Variants in PLCH1 observed in about 807,000 individuals in gnomAD.
The protein encoded by PLCH1 is phospholipase C eta 1.
In PLCH1, 60 loss-of-function variants were observed where a neutral mutation model predicts 126.7. That is an observed-to-expected ratio of 0.47 (90% CI 0.38 to 0.59). The LOEUF (loss-of-function observed/expected upper bound fraction) is 0.59. PLCH1 is among the 20% of genes least tolerant of loss of function. The pLI is 0.00. For synonymous variants in PLCH1, 719 were observed against 734.9 expected, an observed-to-expected ratio of 0.98 and a Z score of 0.35; for missense variants, 1,723 against 2,040.0, an observed-to-expected ratio of 0.84 and a Z score of 2.99.
At chr3:155,596,207 C>A in intron 3 of PLCH1, 25 bp downstream of exon 3, 1 of 1,598,556 alleles carries the variant, frequency 6.3e-7, no homozygotes, top group African/African-American at 1.3e-5. Flanking sequence ...TCCAGCCAAG[C>A]AAAGAATTCA....
intron 7 of PLCH1, among the ~76,000 whole-genome samples, chr3:155,565,900 G>A (rs1375631839): frequency 1.3e-5 from 2 of 150,792 alleles, no homozygotes; most frequent in African/African-American, 2.4e-5. Context: ...GTTTCACCAT[G>A]TTGGCCAGGC....
intron 21 of PLCH1, among the ~76,000 whole-genome samples, chr3:155,469,495 G>C (rs1713080915): frequency 6.6e-6 from 1 of 152,022 alleles, no homozygotes; most frequent in African/African-American, 2.4e-5. Flanking sequence ...AGCGAGGCTG[G>C]GGGAGGGGCG....
chr3:155,646,624 T>C (rs932791864), intron 2 of PLCH1, among the ~76,000 whole-genome samples: 1 of 152,218 alleles, frequency 6.6e-6, no homozygotes, highest in Non-Finnish European at 1.5e-5. Context: ...ACCTTCTTTT[T>C]ATCCTGATAC....
chr3:155,728,084 A>G (rs1322036275), intron 1 of PLCH1, among the ~76,000 whole-genome samples: 1 of 152,200 alleles, frequency 6.6e-6, no homozygotes, highest in Non-Finnish European at 1.5e-5. Context: ...TCAGTGCTCA[A>G]CTGAACCCTC....
chr3:155,668,583 A>G (rs1368233169), intron 2 of PLCH1, among the ~76,000 whole-genome samples: 1 of 152,166 alleles, frequency 6.6e-6, no homozygotes, highest in Non-Finnish European at 1.5e-5. Context: ...GTGAGGGTTC[A>G]GAGGGGAAAA....
chr3:155,655,261 C>T (rs1178017898), intron 2 of PLCH1, among the ~76,000 whole-genome samples: 9 of 152,044 alleles, frequency 5.9e-5, no homozygotes, highest in Admixed American at 5.9e-4. Context: ...TATGGCAAAG[C>T]CCCGTCTCTA....
chr3:155,565,788 C>G (rs954620960), intron 7 of PLCH1, among the ~76,000 whole-genome samples: 1 of 151,490 alleles, frequency 6.6e-6, no homozygotes, highest in African/African-American at 2.4e-5. Flanking sequence ...CTCCGCCTCC[C>G]AGGTTCAAGA....
chr3:155,714,533 G>A (rs1747371411), intron 1 of PLCH1, among the ~76,000 whole-genome samples: 2 of 152,150 alleles, frequency 1.3e-5, no homozygotes, highest in Non-Finnish European at 2.9e-5. Context: ...TGTACACAAA[G>A]GGAAAGAAAT....
chr3:155,690,034 GA>G (rs1047973782), intron 2 of PLCH1, among the ~76,000 whole-genome samples: 1 of 130,726 alleles, frequency 7.6e-6, no homozygotes, highest in African/African-American at 2.8e-5. Context: ...AGCAGCAAGA[GA>G]AAAAAAAGAA....
chr3:155,706,344 A>G (rs1394964608), intron 1 of PLCH1, among the ~76,000 whole-genome samples: 1 of 151,306 alleles, frequency 6.6e-6, no homozygotes, highest in Non-Finnish European at 1.5e-5. Flanking sequence ...AAATTAGGCC[A>G]GGTGCGGTGG....
chr3:155,489,567 T>C (rs552068411), intron 19 of PLCH1, among the ~76,000 whole-genome samples: 1 of 152,316 alleles, frequency 6.6e-6, no homozygotes, highest in East Asian at 1.9e-4. Context: ...AATTAGACCA[T>C]GCACTATTGA....
chr3:155,706,750 A>G (rs1334034055), intron 1 of PLCH1, among the ~76,000 whole-genome samples: 1 of 152,140 alleles, frequency 6.6e-6, no homozygotes, highest in African/African-American at 2.4e-5. Context: ...AAATGATGCT[A>G]TGAGTCTTCC....
intron 15 of PLCH1, 123 bp from the exon 16 acceptor site, chr3:155,494,640 A>T (rs911649294): frequency 4.1e-6 from 3 of 729,276 alleles, no homozygotes; most frequent in Non-Finnish European, 6.8e-6. Flanking sequence ...TAGAGAGTGG[A>T]TTCAACCAGA....
intron 2 of PLCH1, among the ~76,000 whole-genome samples, chr3:155,624,715 A>G (rs1415101235): frequency 1.3e-5 from 2 of 152,228 alleles, no homozygotes; most frequent in Non-Finnish European, 2.9e-5. Flanking sequence ...AAGGAGAACT[A>G]CAAACCACCG....
At chr3:155,517,515 A>G (rs1453107211) in intron 11 of PLCH1, among the ~76,000 whole-genome samples, 3 of 152,046 alleles carry the variant, frequency 2.0e-5, no homozygotes, top group East Asian at 1.9e-4. Context: ...GGCCCTATGT[A>G]TTCCTTGGCT....
chr3:155,670,151 A>G (rs979014381), intron 2 of PLCH1, among the ~76,000 whole-genome samples: 1 of 152,202 alleles, frequency 6.6e-6, no homozygotes, highest in Non-Finnish European at 1.5e-5. Context: ...AAAACAAAGA[A>G]AAAAGATTAT....
intron 1 of PLCH1, among the ~76,000 whole-genome samples, chr3:155,737,364 A>G (rs1577389740): frequency 1.3e-5 from 2 of 151,466 alleles, no homozygotes; most frequent in East Asian, 3.9e-4. Context: ...CAGGGTCTCA[A>G]TCTATCACCC....
At chr3:155,598,717 CTCATT>C (rs781559649) in intron 2 of PLCH1, among the ~76,000 whole-genome samples, 177 of 152,260 alleles carry the variant, frequency 1.2e-3, no homozygotes, top group Non-Finnish European at 2.2e-3. Flanking sequence ...CAGCTAGTAA[CTCATT>C]TCCTTATCTA....
At chr3:155,494,273 A>ATTTT in intron 16 of PLCH1, 25 bp from the exon 17 acceptor site, 3 of 1,611,628 alleles carry the variant, frequency 1.9e-6, no homozygotes, top group Non-Finnish European at 2.5e-6. Flanking sequence ...AGTGGGAGAG[A>ATTTT]ATTAGGCAAG....
Sources: gnomAD v4.1 joint callset for allele counts (sites outside exome capture counted in the v4.1 genomes callset) on GRCh38, gnomAD v4.1.1 for gene constraint, MANE v1.5 for transcripts, NCBI Gene and HGNC (gene_info 2026-07-23, HGNC 2026-07-21) for gene names.